The following CRK variants were observed in gnomAD, a reference collection of about 807,000 sequenced individuals.
CRK encodes the protein CRK proto-oncogene, adaptor protein, also known as adapter molecule crk.
Under a neutral mutation model 29.8 loss-of-function variants are expected in CRK, and 4 were observed. The ratio of observed to expected loss-of-function variants is 0.13; its 90% CI spans 0.07 to 0.31. The LOEUF (loss-of-function observed/expected upper bound fraction) is 0.31. Among genes scored for constraint, CRK ranks in the 10% least tolerant of loss-of-function variants. The pLI is 1.00. For missense variants in CRK, 274 were observed against 396.5 expected, an observed-to-expected ratio of 0.69 and a Z score of 2.62; for synonymous variants, 153 against 164.9, an observed-to-expected ratio of 0.93 and a Z score of 0.55.
At chr17:1,437,535 A>G (rs1280984956) in intron 1 of CRK, among the ~76,000 whole-genome samples, 2 of 152,094 alleles carry the variant, frequency 1.3e-5, no homozygotes, top group African/African-American at 4.8e-5. Flanking sequence ...AGGCCAGGAG[A>G]CTAGGCTGAT....
At chr17:1,425,428 T>G (rs1002895418) in intron 2 of CRK, among the ~76,000 whole-genome samples, 1 of 152,104 alleles carries the variant, frequency 6.6e-6, no homozygotes, top group Non-Finnish European at 1.5e-5. Context: ...AGGGTCTCAC[T>G]CTGTCACTCA....
At chr17:1,442,708 A>T (rs1272666795) in intron 1 of CRK, among the ~76,000 whole-genome samples, 1 of 146,582 alleles carries the variant, frequency 6.8e-6, no homozygotes, top group African/African-American at 2.5e-5. Flanking sequence ...TCTGTGTTCA[A>T]GCAATTCTTC....
rs774455135 is a variant in CRK at position 1,436,732 on chromosome 17, G to T, written c.665C>A (p.Ala222Asp). Residue 222 changes from alanine (A) to aspartate (D), a missense_variant, in exon 2 of 3, where the codon GCC becomes GAC. Physicochemically the swap from Ala to Asp is moderately radical, Grantham distance 126. Around this residue, in one of 3 missense-constraint regions of CRK, gnomAD observed 121 missense variants for 154.3 expected, o/e 0.78. Transcript: ENST00000300574. ...PLGGPEPGPY[A>D]QPSVNTPLPN... ...GAGCGGAGTGTTGACGCTGGGTTGG[G>T]CATAGGGCCCAGGCTCCGGCCCACC... is the stretch of plus-strand genomic sequence containing the variant. The T allele has an allele frequency of 6.8e-5, 109 of 1,603,966 alleles. No individual in the cohort carries two copies. The highest frequency in any genetic ancestry group is 9.1e-5 in the Non-Finnish European group (107 of 1,175,966).
chr17:1,435,476 AAAAG>A (rs2073880040), intron 2 of CRK, among the ~76,000 whole-genome samples: 1 of 152,158 alleles, frequency 6.6e-6, no homozygotes, highest in Non-Finnish European at 1.5e-5. Context: ...GGAAAAAAAA[AAAAG>A]AAAATAAAAA....
intron 2 of CRK, among the ~76,000 whole-genome samples, chr17:1,430,034 T>C (rs2073823149): frequency 6.7e-6 from 1 of 150,352 alleles, no homozygotes; most frequent in South Asian, 2.1e-4. Flanking sequence ...GGCTATGCCA[T>C]AACTCAAATG....
chr17:1,441,078 G>A (rs1286795786), intron 1 of CRK, among the ~76,000 whole-genome samples: 3 of 152,138 alleles, frequency 2.0e-5, no homozygotes, highest in African/African-American at 7.2e-5. Context: ...TGGGCCTACA[G>A]GCACGCATCA....
chr17:1,451,431 C>T (rs141283209), intron 1 of CRK, among the ~76,000 whole-genome samples: 4,928 of 151,662 alleles, frequency 0.032, 234 homozygotes, highest in African/African-American at 0.11. Flanking sequence ...AAGGTTTCAC[C>T]ATGTTGGCCA....
At position 1,421,484 on chromosome 17, in the gene CRK, G is replaced by A. The variant is rs1390054897; in HGVS notation, c.*2029C>T. 1 of 152,208 alleles carries A rather than the reference G, an allele frequency of 6.6e-6. No homozygotes were observed. The highest frequency in any genetic ancestry group is 1.5e-5 in the Non-Finnish European group (1 of 68,042). 9.4% of individuals were successfully genotyped at this position (152,208 alleles called of 1,614,324 possible). ...ACAAATGTGTTCATTCAACACTAAT[G>A]AGCACCCACTCTGTGCATAGCACTG... On this transcript the variant is annotated 3_prime_UTR_variant, in exon 3 of 3. Transcript: ENST00000300574.
rs1405025091 is a variant in CRK, at chr17:1,420,869, G to C, written c.*2644C>G. ...TTTATATTTTATTTCAAATTGGTTT[G>C]CTTATCACCTATTTCAAACCATTAA... is the stretch of plus-strand genomic sequence containing the variant. On this transcript the variant is annotated 3_prime_UTR_variant, in exon 3 of 3. Transcript: ENST00000300574. 6.6e-6 allele frequency: 1 copy of C among 151,880 alleles called. No individual in the cohort carries two copies. Among genetic ancestry groups the C allele is most frequent in the Non-Finnish European group, 1.5e-5 (1 of 67,980 alleles). 9.4% of individuals were successfully genotyped at this position (151,880 alleles called of 1,614,324 possible).
At chr17:1,437,812 A>G (rs1213152682) in intron 1 of CRK, among the ~76,000 whole-genome samples, 1 of 148,444 alleles carries the variant, frequency 6.7e-6, no homozygotes, top group Non-Finnish European at 1.5e-5. Flanking sequence ...CACCACCATG[A>G]CAAGCTAATT....
intron 2 of CRK, among the ~76,000 whole-genome samples, chr17:1,434,820 C>A (rs75332312): frequency 0.072 from 10,320 of 143,796 alleles, 446 homozygotes; most frequent in Non-Finnish European, 0.1. Flanking sequence ...TCCAAAAAAA[C>A]CCAATACCCA....
rs1024466340 is a variant in CRK, at chr17:1,434,731, C to T, written c.777+1889G>A. On this transcript the variant is annotated intron_variant, in intron 2 of 2. Transcript: ENST00000300574. ...CTGGGAGGCGGAGGTTGCAGTGAGC[C>T]GAGATCGTGCCATTGCACCCCAGCC... 2.8e-5 allele frequency among the ~76,000 whole-genome samples: 4 copies of T among 143,754 alleles called. No homozygotes were observed. The East Asian group carries it at 6.1e-4, about 22-fold the overall frequency. 94.3% of individuals were successfully genotyped at this position (143,754 alleles called of 152,430 possible).
intron 1 of CRK, among the ~76,000 whole-genome samples, chr17:1,455,666 C>A (rs1195173929): frequency 6.6e-6 from 1 of 151,728 alleles, no homozygotes; most frequent in Non-Finnish European, 1.5e-5. Context: ...CCTCCCCAGG[C>A]ACACCCCGGG....
chr17:1,435,620 G>A (rs2073881035), intron 2 of CRK, among the ~76,000 whole-genome samples: 1 of 151,966 alleles, frequency 6.6e-6, no homozygotes, highest in African/African-American at 2.4e-5. Flanking sequence ...TGATAACTCT[G>A]ACAACATACA....
At chr17:1,455,853 C>A (rs749487453) in intron 1 of CRK, 24 bp downstream of exon 1, 5 of 1,522,166 alleles carry the variant, frequency 3.3e-6, no homozygotes, top group East Asian at 2.6e-5. Context: ...CCGCCCAGGG[C>A]CCGCCGTCCC....
chr17:1,446,357 G>T (rs571317034), intron 1 of CRK, among the ~76,000 whole-genome samples: 46 of 152,110 alleles, frequency 3.0e-4, no homozygotes, highest in Non-Finnish European at 6.2e-4. Flanking sequence ...CACTTCCAAG[G>T]TACTCTCTCC....
rs554176918 is a variant in CRK at position 1,440,723 on chromosome 17, AAAACAAAC to A, written c.242-3576_242-3569del. 2.1e-3 allele frequency among the ~76,000 whole-genome samples: 323 copies of A among 152,196 alleles called. 3 individuals carry two copies. Among genetic ancestry groups the A allele is most frequent in the African/African-American group, 7.1e-3 (297 of 41,540 alleles). On this transcript the variant is annotated intron_variant, in intron 1 of 2. Coordinates refer to ENST00000300574, the MANE Select transcript of CRK (RefSeq NM_016823.4). ...GACAGGAGAGCGAGACTTCGTCTCA[AAAACAAAC>A]AAACAAACAAACAAAAAAACCATTA... is the stretch of plus-strand genomic sequence containing the variant.
At chr17:1,427,998 G>A (rs2073798116) in intron 2 of CRK, among the ~76,000 whole-genome samples, 1 of 151,936 alleles carries the variant, frequency 6.6e-6, no homozygotes, top group Non-Finnish European at 1.5e-5. Flanking sequence ...AGCTCTAAGA[G>A]GTGAAGGGTA....
intron 1 of CRK, among the ~76,000 whole-genome samples, chr17:1,446,748 C>T (rs546339720): frequency 3.4e-4 from 51 of 152,144 alleles, no homozygotes; most frequent in Non-Finnish European, 6.3e-4. Context: ...CCCGCCACCA[C>T]GCCCGGGTTT....
Sources: gnomAD v4.1 joint callset for allele counts (sites outside exome capture counted in the v4.1 genomes callset) on GRCh38, gnomAD v4.1.1 for gene constraint, gnomAD v4.1.1 regional missense constraint, MANE v1.5 for transcripts, NCBI Gene and HGNC (gene_info 2026-07-23, HGNC 2026-07-21) for gene names.